Variants in SF3A1 observed in about 807,000 individuals in gnomAD.
SF3A1 encodes splicing factor 3a subunit 1.
In SF3A1, 13 loss-of-function variants were observed where a neutral mutation model predicts 89.9. The observed-to-expected ratio is 0.14, with a 90% CI of 0.09 to 0.23. The LOEUF (loss-of-function observed/expected upper bound fraction) is 0.23. Ranked by LOEUF, SF3A1 falls within the 10% of genes least tolerant of loss-of-function variation. SF3A1 has a pLI of 1.00. For missense variants in SF3A1, 604 were observed against 1,022.1 expected, an observed-to-expected ratio of 0.59 and a Z score of 5.58; for synonymous variants, 405 against 374.4, an observed-to-expected ratio of 1.08 and a Z score of -0.94.
At chr22:30,336,826 C>G (rs774215391) in intron 13 of SF3A1, among the ~76,000 whole-genome samples, 200 bp downstream of exon 13, 39 of 152,242 alleles carry the variant, frequency 2.6e-4, no homozygotes, top group Non-Finnish European at 4.8e-4. Context: ...CCATCACCAT[C>G]ACCACCAATG....
chr22:30,341,588 CTTTCAAGGCTCACAGGGGAGCTGGATCT>C lies in SF3A1; in HGVS notation c.1071+76_1071+103del. On this transcript the variant is annotated intron_variant, in intron 7 of 15. Transcript: ENST00000215793. ...TGGCCTTGTTCAGGACCCACGCCTC[CTTTCAAGGCTCACAGGGGAGCTGGATCT>C]GACTGGTGGAGAGCACTTCGACCTC... 82 of 656,146 alleles carry C rather than the reference CTTTCAAGGCTCACAGGGGAGCTGGATCT, an allele frequency of 1.2e-4. 2 individuals carry two copies. Among genetic ancestry groups the C allele is most frequent in the Middle Eastern group, 8.6e-4 (2 of 2,330 alleles). The allele number at this position is 656,146 out of a possible 1,614,324, so 40.6% of individuals were successfully genotyped here.
intron 15 of SF3A1, among the ~76,000 whole-genome samples, 189 bp from the exon 16 acceptor site, chr22:30,334,884 C>T (rs1931019760): frequency 2.0e-5 from 3 of 152,138 alleles, no homozygotes; most frequent in Admixed American, 6.5e-5. Context: ...CCACCAATTA[C>T]GCTCCTCCCC....
At chr22:30,336,960 G>A in intron 13 of SF3A1, 66 bp downstream of exon 13, 3 of 1,593,302 alleles carry the variant, frequency 1.9e-6, no homozygotes, top group Non-Finnish European at 2.6e-6. Flanking sequence ...AGTTTCGCAA[G>A]TGTACGACAG....
chr22:30,347,128 C>T (rs567767797), intron 2 of SF3A1, among the ~76,000 whole-genome samples: 2 of 152,066 alleles, frequency 1.3e-5, no homozygotes, highest in East Asian at 3.9e-4. Context: ...CCTAACTCTA[C>T]AAAAAAATAT....
At chr22:30,353,755 C>G (rs1232532534) in intron 1 of SF3A1, among the ~76,000 whole-genome samples, 1 of 152,158 alleles carries the variant, frequency 6.6e-6, no homozygotes, top group Admixed American at 6.5e-5. Context: ...TCTGCCGACG[C>G]TCCCGGATGA....
chr22:30,345,734 C>CT (rs1931398118), intron 3 of SF3A1, among the ~76,000 whole-genome samples: 1 of 152,302 alleles, frequency 6.6e-6, no homozygotes, highest in Admixed American at 6.5e-5. Flanking sequence ...GAGGGACTGC[C>CT]TTTTCCACCA....
At chr22:30,351,365 AG>A (rs2145821396) in intron 2 of SF3A1, among the ~76,000 whole-genome samples, 1 of 152,240 alleles carries the variant, frequency 6.6e-6, no homozygotes, top group South Asian at 2.1e-4. Flanking sequence ...AGGTTGGGAA[AG>A]GAAGGACCAT....
At chr22:30,346,265 T>G (rs1169762905) in intron 3 of SF3A1, 47 bp downstream of exon 3, 1 of 1,282,322 alleles carries the variant, frequency 7.8e-7, no homozygotes, top group Admixed American at 1.8e-5. Flanking sequence ...CTATCCCTGT[T>G]TCCCTCTCAA....
chr22:30,353,911 C>G (rs1931679868), intron 1 of SF3A1, among the ~76,000 whole-genome samples: 1 of 152,340 alleles, frequency 6.6e-6, no homozygotes, highest in East Asian at 1.9e-4. Context: ...CAGGCCATGT[C>G]TGTAACCCTG....
At position 30,338,903 on chromosome 22, in the gene SF3A1, C is replaced by T; in HGVS notation, c.1629G>A (p.Glu543=). 1.2e-6 allele frequency: 2 copies of T among 1,614,180 alleles called. No homozygotes were observed. Among genetic ancestry groups the T allele is most frequent in the Non-Finnish European group, 1.7e-6 (2 of 1,180,040 alleles). ...KGLVPEDDTK[E]KIGPSKPNEI... ...CATTGGGCTTGCTGGGGCCAATCTT[C>T]TCTTTAGTGTCATCCTCTGGCACCA... Residue 543 remains glutamate, a synonymous_variant, in exon 11 of 16, where the codon GAG becomes GAA. Coordinates refer to ENST00000215793, the MANE Select transcript of SF3A1 (RefSeq NM_005877.6).
chr22:30,348,637 T>A (rs4820006), intron 2 of SF3A1, among the ~76,000 whole-genome samples: 30,588 of 152,140 alleles, frequency 0.2, 3,336 homozygotes, highest in Middle Eastern at 0.35. Flanking sequence ...CCCTGCCGTG[T>A]AACTAACACC....
chr22:30,354,690 G>T (rs373405947), intron 1 of SF3A1, among the ~76,000 whole-genome samples: 1 of 152,140 alleles, frequency 6.6e-6, no homozygotes, highest in African/African-American at 2.4e-5. Context: ...CTTTCCTCAG[G>T]AATAGCTACC....
rs1931899132 is a variant in SF3A1, at chr22:30,356,853, CA to C, written c.-62del. The C allele has an allele frequency of 5.6e-6, 7 of 1,257,800 alleles. 1 individual carries two copies. The South Asian group carries it at 1.7e-4, about 31-fold the overall frequency. The allele number at this position is 1,257,800 out of a possible 1,614,324, so 77.9% of individuals were successfully genotyped here. On this transcript the variant is annotated 5_prime_UTR_variant, in exon 1 of 16. Transcript: ENST00000215793. ...GTCGGTGAGCGGTGCCGCCTCAAGA[CA>C]GCCTCCCCGCTCGGTCAGTACGACG...
chr22:30,354,944 G>T (rs1931722722), intron 1 of SF3A1, among the ~76,000 whole-genome samples: 1 of 152,126 alleles, frequency 6.6e-6, no homozygotes, highest in African/African-American at 2.4e-5. Context: ...CTTTTATCAA[G>T]CTATGAGTAG....
At chr22:30,352,875 A>C in intron 2 of SF3A1, 76 bp downstream of exon 2, 2 of 1,548,964 alleles carry the variant, frequency 1.3e-6, no homozygotes, top group Non-Finnish European at 1.7e-6. Context: ...TCTCTTTAAA[A>C]ACCCTTGTGC....
intron 1 of SF3A1, among the ~76,000 whole-genome samples, chr22:30,356,045 C>G (rs931019144): frequency 6.6e-6 from 1 of 152,162 alleles, no homozygotes; most frequent in Admixed American, 6.5e-5. Flanking sequence ...CCTGAAACTT[C>G]TATCACAGGG....
chr22:30,346,602 T>C, intron 2 of SF3A1, 83 bp from the exon 3 acceptor site: 1 of 1,500,674 alleles, frequency 6.7e-7, no homozygotes, highest in Non-Finnish European at 9.1e-7. Flanking sequence ...GGAACGTCCT[T>C]CTTGCCACCA....
At chr22:30,343,881 TGA>T (rs899801403) in intron 4 of SF3A1, among the ~76,000 whole-genome samples, 1 of 152,188 alleles carries the variant, frequency 6.6e-6, no homozygotes, top group African/African-American at 2.4e-5. Flanking sequence ...TACTTAAAAG[TGA>T]GTAGAGTTAG....
intron 2 of SF3A1, among the ~76,000 whole-genome samples, chr22:30,351,119 T>C (rs1931580205): frequency 6.6e-6 from 1 of 152,088 alleles, no homozygotes; most frequent in Non-Finnish European, 1.5e-5. Context: ...GCCAACACGG[T>C]GAAACCACGT....
Sources: allele counts gnomAD v4.1 joint callset (sites outside exome capture counted in the v4.1 genomes callset), GRCh38; gene constraint gnomAD v4.1.1; transcripts MANE v1.5; gene names NCBI Gene and HGNC (gene_info 2026-07-23, HGNC 2026-07-21).